Variants in SLCO3A1 observed in about 807,000 individuals in gnomAD.
SLCO3A1 encodes the protein PGE1 transporter.
In SLCO3A1, 27 loss-of-function variants were observed where a neutral mutation model predicts 63.1. The ratio of observed to expected loss-of-function variants is 0.43; its 90% CI spans 0.32 to 0.59. The LOEUF (loss-of-function observed/expected upper bound fraction) is 0.59, where lower values mean the gene tolerates loss of function less well. SLCO3A1 is among the 20% of genes least tolerant of loss of function. SLCO3A1 has a pLI of 0.09. For missense variants in SLCO3A1, 773 were observed against 945.8 expected (o/e 0.82, Z 2.40); for synonymous variants, 473 against 409.9 (o/e 1.15, Z -1.86).
At chr15:92,018,331 G>GA (rs952736349) in intron 2 of SLCO3A1, among the ~76,000 whole-genome samples, 9 of 152,294 alleles carry the variant, frequency 5.9e-5, no homozygotes, top group Admixed American at 5.9e-4. Context: ...TAGTCCTTGA[G>GA]AGCCAGCAGG....
rs1745959411 is a variant in SLCO3A1 at position 91,900,747 on chromosome 15, A to C, written c.181-15246A>C. On this transcript the variant is annotated intron_variant, in intron 1 of 9. Coordinates refer to ENST00000318445, the MANE Select transcript of SLCO3A1 (RefSeq NM_013272.4). The surrounding 1 kb of genome is among the most constrained non-coding windows in gnomAD (Gnocchi z 4.3). ...AAGCATCTTTTCAAATGCTTATTAG[A>C]CATTTGTATATCTTCCTTGGTGAAA... Among the ~76,000 whole-genome samples, 1 of 152,188 alleles carries C rather than the reference A, an allele frequency of 6.6e-6. No individual in the cohort carries two copies. The highest frequency in any genetic ancestry group is 2.1e-4 in the South Asian group (1 of 4,832).
chr15:92,028,047 C>T (rs2046597669), intron 2 of SLCO3A1, among the ~76,000 whole-genome samples: 1 of 152,182 alleles, frequency 6.6e-6, no homozygotes, highest in Non-Finnish European at 1.5e-5. Context: ...CGAGACTTAG[C>T]AGTGGGCACA....
In SLCO3A1 at chr15:92,016,204, T is replaced by TAGATAG. The variant is rs1567067728; in HGVS notation, c.647-78676_647-78675insGATAGA. Among the ~76,000 whole-genome samples the TAGATAG allele has an allele frequency of 1.0e-3, 123 of 120,198 alleles. 1 individual carries two copies. Among genetic ancestry groups the TAGATAG allele is most frequent in the South Asian group, 1.7e-3 (6 of 3,490 alleles). 78.9% of individuals were successfully genotyped at this position (120,198 alleles called of 152,430 possible). A position where few individuals can be genotyped will look rare whatever the true frequency, so the allele number is the denominator to read the frequency against. ...TGCAGATTTGTTGTATATATATTTA[T>TAGATAG]ATAGATAGATAGATAGATAGATAGA... is the stretch of plus-strand genomic sequence containing the variant. On this transcript the variant is annotated intron_variant, in intron 2 of 9. Coordinates refer to ENST00000318445, the MANE Select transcript of SLCO3A1 (RefSeq NM_013272.4).
intron 2 of SLCO3A1, among the ~76,000 whole-genome samples, chr15:92,025,524 C>G (rs1250002892): frequency 6.6e-6 from 1 of 152,192 alleles, no homozygotes; most frequent in African/African-American, 2.4e-5. Context: ...GTGGCATCCA[C>G]TTGTTGTTTT....
intron 2 of SLCO3A1, among the ~76,000 whole-genome samples, chr15:92,059,037 T>C (rs375589081): frequency 2.0e-5 from 3 of 152,116 alleles, no homozygotes; most frequent in Non-Finnish European, 4.4e-5. Context: ...GGCGTCAGGG[T>C]TGGAGCAGTA....
chr15:91,986,590 T>TAA (rs1039807437), intron 2 of SLCO3A1, among the ~76,000 whole-genome samples: 7 of 145,484 alleles, frequency 4.8e-5, no homozygotes, highest in African/African-American at 1.2e-4. Context: ...TACATTCTTT[T>TAA]AAAAAAAAAA....
intron 1 of SLCO3A1, among the ~76,000 whole-genome samples, chr15:91,902,360 T>C (rs1313920047): frequency 6.6e-6 from 1 of 152,000 alleles, no homozygotes; most frequent in Admixed American, 6.6e-5. Flanking sequence ...CTCATGGCTT[T>C]CTGGTCAACC....
chr15:92,104,451 AAG>A lies in SLCO3A1; in HGVS notation c.922_923del (p.Glu308IlefsTer73), dbSNP rs1463125252. The A allele has an allele frequency of 6.2e-7, 1 of 1,614,144 alleles. No individual in the cohort carries two copies. The highest frequency in any genetic ancestry group is 8.5e-7 in the Non-Finnish European group (1 of 1,180,022). Reference sequence around the variant, plus strand: ...AAAGCGAGCAGGCCATGCTCTCCGAAAGAGAATACGAGAGACCCAAGCCCAGC... The same window carrying A: ...AAAGCGAGCAGGCCATGCTCTCCGAAAGAATACGAGAGACCCAAGCCCAGC... ...MESEQAMLSE[R>X]EYERPKPSNG... is the part of the protein sequence containing the mutation. On this transcript the variant is annotated frameshift_variant, in exon 4 of 10. Transcript: ENST00000318445. LOFTEE classifies it high-confidence loss of function.
chr15:92,151,028 CTT>C lies in SLCO3A1; in HGVS notation c.1753+16_1753+17del. On this transcript the variant is annotated intron_variant, in intron 9 of 9. Transcript: ENST00000318445. ...TTCGTTTGTTGGGTATGTATTATCT[CTT>C]TATTTCCTCAATAATGAATTGGATG... is the stretch of plus-strand genomic sequence containing the variant. 1 of 1,574,486 alleles carries C rather than the reference CTT, an allele frequency of 6.4e-7. No individual in the cohort carries two copies. The highest frequency in any genetic ancestry group is 1.4e-5 in the African/African-American group (1 of 74,004).
intron 2 of SLCO3A1, among the ~76,000 whole-genome samples, chr15:92,013,058 T>G (rs2046386760): frequency 6.6e-6 from 1 of 152,130 alleles, no homozygotes; most frequent in South Asian, 2.1e-4. Flanking sequence ...GGCTTCAGCT[T>G]CCAGAGAGAG....
rs2046844843 is a variant in SLCO3A1, at chr15:92,045,137, G to C, written c.647-49744G>C. 2.6e-5 allele frequency among the ~76,000 whole-genome samples: 4 copies of C among 152,044 alleles called. No homozygotes were observed. In the South Asian group the frequency reaches 8.3e-4, roughly 32 times the overall value. Reference sequence around the variant, plus strand: ...CTACTAAAAATACAAAAAATTAGCTGGGCTTGGTGGCATGCACCTGTAGTC... The same window carrying C: ...CTACTAAAAATACAAAAAATTAGCTCGGCTTGGTGGCATGCACCTGTAGTC... On this transcript the variant is annotated intron_variant, in intron 2 of 9. Coordinates refer to ENST00000318445, the MANE Select transcript of SLCO3A1 (RefSeq NM_013272.4).
intron 8 of SLCO3A1, 144 bp from the exon 9 acceptor site, chr15:92,150,806 T>C: frequency 1.9e-6 from 1 of 530,908 alleles, no homozygotes; most frequent in East Asian, 3.1e-5. Flanking sequence ...AAAAAGACAC[T>C]ATTAGTAATT....
intron 1 of SLCO3A1, among the ~76,000 whole-genome samples, chr15:91,899,004 G>A (rs1898082131): frequency 6.6e-6 from 1 of 151,480 alleles, no homozygotes; most frequent in Non-Finnish European, 1.5e-5. Flanking sequence ...TGCCATATGG[G>A]AAGGAGGGAA....
intron 2 of SLCO3A1, among the ~76,000 whole-genome samples, chr15:92,031,909 C>T (rs1325129472): frequency 3.3e-5 from 5 of 152,124 alleles, no homozygotes; most frequent in Non-Finnish European, 7.3e-5. Flanking sequence ...AGCGTTTCAT[C>T]GTGGACCGTG....
At chr15:92,115,476 T>C (rs974159259) in intron 4 of SLCO3A1, among the ~76,000 whole-genome samples, 1 of 152,138 alleles carries the variant, frequency 6.6e-6, no homozygotes, top group Non-Finnish European at 1.5e-5. Flanking sequence ...TGACCGTGGA[T>C]CACTTCTTTT....
rs1180720907 is a variant in SLCO3A1 at position 92,047,163 on chromosome 15, AAT to A, written c.647-47708_647-47707del. Among the ~76,000 whole-genome samples the A allele has an allele frequency of 2.4e-3, 11 of 4,580 alleles. 2 individuals carry two copies. The highest frequency in any genetic ancestry group is 0.012 in the African/African-American group (11 of 928). 3.0% of individuals were successfully genotyped at this position (4,580 alleles called of 152,430 possible). On this transcript the variant is annotated intron_variant, in intron 2 of 9. Transcript: ENST00000318445. ...TATATAATATATAAATATATATACA[AAT>A]ATATATATAATATATAAATATATAT... is the stretch of plus-strand genomic sequence containing the variant.
rs78289076 is a variant in SLCO3A1 at position 92,062,242 on chromosome 15, T to C, written c.647-32639T>C. On this transcript the variant is annotated intron_variant, in intron 2 of 9. Transcript: ENST00000318445. ...TCAGATGGTAAAAGTTTTTGCAAAA[T>C]GAGTGAGTAAGTGGCAGTTTTATGG... 4.8e-3 allele frequency among the ~76,000 whole-genome samples: 723 copies of C among 151,734 alleles called. 4 individuals are homozygous for C. The highest frequency in any genetic ancestry group is 7.4e-3 in the Non-Finnish European group (501 of 68,008).
At chr15:92,084,623 C>A (rs917677271) in intron 2 of SLCO3A1, among the ~76,000 whole-genome samples, 1 of 152,118 alleles carries the variant, frequency 6.6e-6, no homozygotes, top group Non-Finnish European at 1.5e-5. Flanking sequence ...TGATAGCAGT[C>A]CCTGGGTTTC....
chr15:91,919,217 A>G (rs781007692), intron 2 of SLCO3A1, among the ~76,000 whole-genome samples: 2 of 152,156 alleles, frequency 1.3e-5, no homozygotes, highest in Non-Finnish European at 2.9e-5. Flanking sequence ...TCCATCTTGA[A>G]TCAAGCCGAT....
Sources: allele counts gnomAD v4.1 joint callset (sites outside exome capture counted in the v4.1 genomes callset), GRCh38; gene constraint gnomAD v4.1.1; non-coding constraint Gnocchi (gnomAD v3.1); transcripts MANE v1.5; gene names NCBI Gene and HGNC (gene_info 2026-07-23, HGNC 2026-07-21).